Variants in TRABD2B observed in about 807,000 individuals in gnomAD.
TRABD2B encodes TraB domain containing 2B, also known as metalloprotease TIKI2.
Under a neutral mutation model 40.1 loss-of-function variants are expected in TRABD2B, and 14 were observed. The observed-to-expected ratio is 0.35, with a 90% CI of 0.23 to 0.55. TRABD2B has a LOEUF of 0.55. Among genes scored for constraint, TRABD2B ranks in the 20% least tolerant of loss-of-function variants. TRABD2B has a pLI of 0.90. For synonymous variants in TRABD2B, 263 were observed against 277.0 expected (o/e 0.95, Z 0.50); for missense variants, 541 against 648.6 (o/e 0.83, Z 1.80).
chr1:47,890,324 G>A (rs1644427431), intron 2 of TRABD2B, among the ~76,000 whole-genome samples: 1 of 152,340 alleles, frequency 6.6e-6, no homozygotes, highest in East Asian at 1.9e-4. Flanking sequence ...CACTGCCCCA[G>A]TTAGTAGCAA....
At chr1:47,781,268 C>A (rs1351530093) in intron 4 of TRABD2B, among the ~76,000 whole-genome samples, 1 of 152,218 alleles carries the variant, frequency 6.6e-6, no homozygotes, top group African/African-American at 2.4e-5. Flanking sequence ...GCCTCCCAGC[C>A]CAACAGCGGT....
chr1:47,841,034 T>C (rs1401223860), intron 2 of TRABD2B, among the ~76,000 whole-genome samples: 2 of 152,162 alleles, frequency 1.3e-5, no homozygotes, highest in Non-Finnish European at 2.9e-5. Flanking sequence ...GAGTGCTTGG[T>C]GACCTTGGGC....
At chr1:47,993,430 AT>A (rs1371158026) in intron 2 of TRABD2B, among the ~76,000 whole-genome samples, 1 of 152,164 alleles carries the variant, frequency 6.6e-6, no homozygotes. Context: ...CTTCTCTGAA[AT>A]TATTAACCTT....
At chr1:47,873,829 C>A (rs1644179259) in intron 2 of TRABD2B, among the ~76,000 whole-genome samples, 1 of 152,114 alleles carries the variant, frequency 6.6e-6, no homozygotes, top group Non-Finnish European at 1.5e-5. Flanking sequence ...GACTAAACAC[C>A]AAGAGTCGGT....
chr1:47,824,658 A>G (rs1415420262), intron 2 of TRABD2B, among the ~76,000 whole-genome samples: 1 of 152,168 alleles, frequency 6.6e-6, no homozygotes, highest in African/African-American at 2.4e-5. Flanking sequence ...TTTGTGGGAG[A>G]GAGGCCCCAC....
Position 47,996,741 on chromosome 1 carries a change from C to T in TRABD2B, c.49G>A (p.Ala17Thr). The change falls in exon 1 of 7, where the codon GCT becomes ACT. Residue 17 changes from alanine (A) to threonine (T), a missense_variant. This residue lies in a region of TRABD2B where 369 missense variants were observed against 492.8 expected (regional missense o/e 0.75). Transcript: ENST00000606738. The surrounding 1 kb of genome is among the most constrained non-coding windows in gnomAD (Gnocchi z 4.6). ...TCCGGGGGCTGCGGGCGGGCGCGAG[C>T]GGTGGCGAGGAGGGCGGCGAGCAGC... is the stretch of plus-strand genomic sequence containing the variant. ...GPLLAALLAT[A>T]RARPQPPDGG... 1 of 1,225,132 alleles carries T rather than the reference C, an allele frequency of 8.2e-7. No individual in the cohort carries two copies. The highest frequency in any genetic ancestry group is 1.6e-5 in the African/African-American group (1 of 64,068). The allele number at this position is 1,225,132 out of a possible 1,614,324, so 75.9% of individuals were successfully genotyped here. A position where few individuals can be genotyped will look rare whatever the true frequency, so the allele number is the denominator to read the frequency against.
In TRABD2B at chr1:47,806,529, C is replaced by T. The variant is rs1006219705; in HGVS notation, c.667-4910G>A. 2.6e-5 allele frequency among the ~76,000 whole-genome samples: 4 copies of T among 152,244 alleles called. No homozygotes were observed. The East Asian group carries it at 5.8e-4, about 22-fold the overall frequency. ...GGCTTTGACATGGAATAACAAACAT[C>T]GGGTGAAGGCTAGAGCTGCCTCTCT... On this transcript the variant is annotated intron_variant, in intron 2 of 6. Coordinates refer to ENST00000606738, the MANE Select transcript of TRABD2B (RefSeq NM_001194986.2).
chr1:47,837,732 T>C (rs1335970653), intron 2 of TRABD2B, among the ~76,000 whole-genome samples: 3 of 152,186 alleles, frequency 2.0e-5, no homozygotes, highest in Non-Finnish European at 4.4e-5. Flanking sequence ...GGGCAATTAT[T>C]GCACTAGGTT....
intron 2 of TRABD2B, among the ~76,000 whole-genome samples, chr1:47,865,583 T>C (rs544411748): frequency 1.7e-3 from 253 of 152,260 alleles, no homozygotes; most frequent in Middle Eastern, 0.01. Context: ...TCAGGAAATA[T>C]GGTTTGTGGA....
At chr1:47,864,981 C>T (rs1241461791) in intron 2 of TRABD2B, among the ~76,000 whole-genome samples, 2 of 150,844 alleles carry the variant, frequency 1.3e-5, no homozygotes, top group South Asian at 2.1e-4. Context: ...ACTGGCTGGA[C>T]ACCTGGCCTT....
At chr1:47,855,547 C>T (rs1415308865) in intron 2 of TRABD2B, among the ~76,000 whole-genome samples, 1 of 152,264 alleles carries the variant, frequency 6.6e-6, no homozygotes, top group East Asian at 1.9e-4. Flanking sequence ...CCCATGTTGA[C>T]ACGCATAGGT....
rs1475553195 is a variant in TRABD2B at position 47,794,794 on chromosome 1, T to G, written c.814-34A>C. ...GCAAGACAGAGGCTGCCTTCAGTTT[T>G]TTTTTTTTTTTTTTTTTTGATAAAG... On this transcript the variant is annotated intron_variant, in intron 3 of 6. Transcript: ENST00000606738. 9.0e-6 allele frequency: 12 copies of G among 1,331,738 alleles called. No individual in the cohort carries two copies. The East Asian group carries it at 1.5e-4, about 17-fold the overall frequency. The allele number at this position is 1,331,738 out of a possible 1,614,324, so 82.5% of individuals were successfully genotyped here. A position where few individuals can be genotyped will look rare whatever the true frequency, so the allele number is the denominator to read the frequency against.
At chr1:47,968,777 T>C (rs1570388521) in intron 2 of TRABD2B, among the ~76,000 whole-genome samples, 1 of 152,216 alleles carries the variant, frequency 6.6e-6, no homozygotes, top group African/African-American at 2.4e-5. Flanking sequence ...AATCTACTAT[T>C]TTATTTACTT....
At chr1:47,900,197 G>T (rs1055712059) in intron 2 of TRABD2B, among the ~76,000 whole-genome samples, 1 of 152,246 alleles carries the variant, frequency 6.6e-6, no homozygotes, top group Non-Finnish European at 1.5e-5. Flanking sequence ...GCTGTTGGCA[G>T]ATTGTTGTTG....
chr1:47,975,641 C>T (rs1645744760), intron 2 of TRABD2B, among the ~76,000 whole-genome samples: 1 of 152,200 alleles, frequency 6.6e-6, no homozygotes. Flanking sequence ...CATTCAGCCA[C>T]AAGCACTGCT....
intron 2 of TRABD2B, among the ~76,000 whole-genome samples, chr1:47,902,206 C>T (rs1047589652): frequency 3.9e-5 from 6 of 152,190 alleles, no homozygotes; most frequent in African/African-American, 1.4e-4. Context: ...TCATAGGACC[C>T]TTGGAACCTC....
At chr1:47,809,836 C>A (rs1337295999) in intron 2 of TRABD2B, among the ~76,000 whole-genome samples, 1 of 152,184 alleles carries the variant, frequency 6.6e-6, no homozygotes, top group East Asian at 1.9e-4. Context: ...CTAGTCACCA[C>A]TGGACTCTTC....
Position 47,813,227 on chromosome 1 carries a change from C to A in TRABD2B, c.667-11608G>T, listed in dbSNP as rs1475413260. Among the ~76,000 whole-genome samples, 1 of 152,148 alleles carries A rather than the reference C, an allele frequency of 6.6e-6. No homozygotes were observed. The highest frequency in any genetic ancestry group is 1.5e-5 in the Non-Finnish European group (1 of 68,046). On this transcript the variant is annotated intron_variant, in intron 2 of 6. Coordinates refer to ENST00000606738, the MANE Select transcript of TRABD2B (RefSeq NM_001194986.2). The surrounding 1 kb of genome is among the most constrained non-coding windows in gnomAD (Gnocchi z 4.3). ...TAATTCCTCTGGTCTGACCACATAGCAATTACCAATTTGCAGAGGAGGGAG... is the reference window on the plus strand; with the variant it reads ...TAATTCCTCTGGTCTGACCACATAGAAATTACCAATTTGCAGAGGAGGGAG...
chr1:47,782,805 A>G (rs1376795617), intron 4 of TRABD2B, among the ~76,000 whole-genome samples: 1 of 152,176 alleles, frequency 6.6e-6, no homozygotes, highest in Non-Finnish European at 1.5e-5. Flanking sequence ...TGCCACACCT[A>G]TCCTGGAACC....
Sources: gnomAD v4.1 joint callset for allele counts (sites outside exome capture counted in the v4.1 genomes callset) on GRCh38, gnomAD v4.1.1 for gene constraint, gnomAD v4.1.1 regional missense constraint, Gnocchi (gnomAD v3.1) non-coding constraint, MANE v1.5 for transcripts, NCBI Gene and HGNC (gene_info 2026-07-23, HGNC 2026-07-21) for gene names.